The following PHLPP1 variants were observed in gnomAD, a reference collection of about 807,000 sequenced individuals.
PHLPP1 encodes PH domain leucine-rich repeat-containing protein phosphatase 1.
In PHLPP1, 42 loss-of-function variants were observed where a neutral mutation model predicts 117.2. That is an observed-to-expected ratio of 0.36 (90% CI 0.28 to 0.46). The LOEUF is 0.46. Among genes scored for constraint, PHLPP1 ranks in the 20% least tolerant of loss-of-function variants. PHLPP1 has a pLI of 1.00. For missense variants in PHLPP1, 2,084 were observed against 2,241.9 expected, an observed-to-expected ratio of 0.93 and a Z score of 1.42; for synonymous variants, 1,042 against 970.7, an observed-to-expected ratio of 1.07 and a Z score of -1.37.
In PHLPP1 at chr18:62,978,580, A is replaced by G. The variant is rs1911273086; in HGVS notation, c.4303A>G (p.Ser1435Gly). ...TEDSFCCCELSAGGAVPPPSP... is the reference protein window; with the variant it reads ...TEDSFCCCELGAGGAVPPPSP... ...GGACAGCTTCTGCTGCTGCGAGCTC[A>G]GCGCCGGTGGGGCTGTGCCACCACC... Residue 1435 changes from serine (S) to glycine (G), a missense_variant, in exon 17 of 17, where the codon AGC (serine) becomes GGC (glycine). Ser to Gly is a moderately conservative substitution (Grantham distance 56). Coordinates refer to ENST00000262719, the MANE Select transcript of PHLPP1 (RefSeq NM_194449.4). This position sits in a 1 kb window ranked among gnomAD's most constrained non-coding sequence, Gnocchi z 7.0. 1 of 1,613,532 alleles carries G rather than the reference A, an allele frequency of 6.2e-7. No individual in the cohort carries two copies. The highest frequency in any genetic ancestry group is 8.5e-7 in the Non-Finnish European group (1 of 1,179,694).
Position 62,972,303 on chromosome 18 carries a change from G to C in PHLPP1, c.3561-211G>C, listed in dbSNP as rs540592884. On this transcript the variant is annotated intron_variant, in intron 14 of 16. Transcript: ENST00000262719. The stretch of plus-strand genomic sequence containing the variant: ...CATCAGAAGAGAAGCATGTAGGAAG[G>C]CATGTGTGAAGCATAATTTGTGCTC... 5.9e-5 allele frequency among the ~76,000 whole-genome samples: 9 copies of C among 152,316 alleles called. 1 individual carries two copies. In the South Asian group the frequency reaches 1.9e-3, roughly 32 times the overall value.
rs376921720 is a variant in PHLPP1 at position 62,864,912 on chromosome 18, G to A, written c.2066+4311G>A. Among the ~76,000 whole-genome samples the A allele has an allele frequency of 3.9e-5, 6 of 152,332 alleles. No individual in the cohort carries two copies. In the South Asian group the frequency reaches 8.3e-4, roughly 21 times the overall value. ...AGAATCTAATAACAGGTATACCACA[G>A]TTCTTTAAACATAATTTTTCTGTCT... On this transcript the variant is annotated intron_variant, in intron 4 of 16. Coordinates refer to ENST00000262719, the MANE Select transcript of PHLPP1 (RefSeq NM_194449.4).
chr18:62,791,467 C>G (rs1240855314), intron 1 of PHLPP1, among the ~76,000 whole-genome samples: 1 of 152,126 alleles, frequency 6.6e-6, no homozygotes, highest in Non-Finnish European at 1.5e-5. Context: ...TCCTATGTTT[C>G]TCTTGTGGTT....
intron 1 of PHLPP1, among the ~76,000 whole-genome samples, chr18:62,811,544 CTT>C (rs11389810): frequency 2.5e-4 from 34 of 138,152 alleles, no homozygotes; most frequent in East Asian, 4.3e-4. Context: ...GTTGTTGTGT[CTT>C]TTTTTTTTTT....
chr18:62,839,983 A>G (rs1915012806), intron 3 of PHLPP1: 1 of 151,684 alleles, frequency 6.6e-6, no homozygotes, highest in Non-Finnish European at 1.5e-5. Flanking sequence ...GAAATGACAA[A>G]ATCTCTCTAG....
chr18:62,967,440 C>T (rs1385208188), intron 14 of PHLPP1, among the ~76,000 whole-genome samples: 1 of 152,110 alleles, frequency 6.6e-6, no homozygotes, highest in Non-Finnish European at 1.5e-5. Flanking sequence ...TTTGGCCATT[C>T]TAATAATAAT....
intron 1 of PHLPP1, among the ~76,000 whole-genome samples, chr18:62,792,289 G>A (rs900745524): frequency 2.0e-5 from 3 of 152,206 alleles, no homozygotes; most frequent in African/African-American, 7.2e-5. Context: ...CTATTGAATT[G>A]TTAGTGCCAG....
Position 62,717,067 on chromosome 18 carries a change from G to C in PHLPP1, c.1384G>C (p.Ala462Pro). The change falls in exon 1 of 17, where the codon GCG becomes CCG. Residue 462 changes from alanine (A) to proline (P), a missense_variant. Transcript: ENST00000262719. The part of the protein sequence containing the change: ...PGRSGVTAEK[A>P]PPPPPPPTLY... ...GAGGAGCGGGGTGACCGCGGAGAAG[G>C]CGCCTCCGCCGCCCCCGCCGCCCAC... 1.9e-6 allele frequency: 3 copies of C among 1,546,026 alleles called. No homozygotes were observed. Among genetic ancestry groups the C allele is most frequent in the Non-Finnish European group, 2.6e-6 (3 of 1,145,550 alleles).
At position 62,905,261 on chromosome 18, in the gene PHLPP1, T is replaced by C. The variant is rs1304761207; in HGVS notation, c.2685T>C (p.Tyr895=). 6.5e-7 allele frequency: 1 copy of C among 1,547,108 alleles called. No homozygotes were observed. ...TTGATGTTTACCCAGTTCCAAATTA[T>C]CTGTCCTACATGGATGTTTCAAGGT... ...VQLDVYPVPN[Y]LSYMDVSRNR... Residue 895 remains tyrosine, a synonymous_variant, in exon 8 of 17, where the codon TAT becomes TAC. Coordinates refer to ENST00000262719, the MANE Select transcript of PHLPP1 (RefSeq NM_194449.4).
At chr18:62,731,547 TG>T (rs1474778137) in intron 1 of PHLPP1, among the ~76,000 whole-genome samples, 1 of 152,132 alleles carries the variant, frequency 6.6e-6, no homozygotes, top group Admixed American at 6.6e-5. Flanking sequence ...GTATTGAAAT[TG>T]GGCCAGTTAG....
intron 4 of PHLPP1, among the ~76,000 whole-genome samples, chr18:62,876,883 G>T (rs1916061977): frequency 6.6e-6 from 1 of 152,190 alleles, no homozygotes; most frequent in Non-Finnish European, 1.5e-5. Context: ...TTGGAGGAAA[G>T]ACTTGATTTG....
At chr18:62,941,644 G>A in intron 10 of PHLPP1, 74 bp from the exon 11 acceptor site, 1 of 1,033,684 alleles carries the variant, frequency 9.7e-7, no homozygotes, top group South Asian at 1.5e-5. Context: ...AATATGCCTG[G>A]TATCAAAGCT....
At chr18:62,866,436 G>C (rs1029532572) in intron 4 of PHLPP1, among the ~76,000 whole-genome samples, 3 of 151,758 alleles carry the variant, frequency 2.0e-5, no homozygotes, top group Non-Finnish European at 4.4e-5. Flanking sequence ...GTAGAGACGG[G>C]GTTTTGCCAT....
At chr18:62,789,616 C>T (rs1913399128) in intron 1 of PHLPP1, among the ~76,000 whole-genome samples, 1 of 152,072 alleles carries the variant, frequency 6.6e-6, no homozygotes, top group Non-Finnish European at 1.5e-5. Context: ...ACAGCACAAA[C>T]CTTCTGCACC....
intron 1 of PHLPP1, among the ~76,000 whole-genome samples, chr18:62,766,968 C>T (rs1912561304): frequency 6.6e-6 from 1 of 152,070 alleles, no homozygotes; most frequent in Non-Finnish European, 1.5e-5. Flanking sequence ...AAAGTAGAAA[C>T]AAGCTGGGAC....
At chr18:62,746,810 T>C (rs1389192036) in intron 1 of PHLPP1, among the ~76,000 whole-genome samples, 1 of 151,818 alleles carries the variant, frequency 6.6e-6, no homozygotes, top group Non-Finnish European at 1.5e-5. Context: ...GTATTAAAAC[T>C]AAAAAAAAGT....
chr18:62,726,200 G>A (rs1346343621), intron 1 of PHLPP1, among the ~76,000 whole-genome samples: 3 of 152,038 alleles, frequency 2.0e-5, no homozygotes, highest in Non-Finnish European at 4.4e-5. Flanking sequence ...ATTTATGGAT[G>A]GGAGGGGGTG....
At chr18:62,718,577 A>G (rs1910829430) in intron 1 of PHLPP1, among the ~76,000 whole-genome samples, 1 of 152,222 alleles carries the variant, frequency 6.6e-6, no homozygotes, top group African/African-American at 2.4e-5. Flanking sequence ...ACCAAATCGT[A>G]ATACAGTAGC....
chr18:62,922,535 C>A (rs2144428823), intron 10 of PHLPP1, among the ~76,000 whole-genome samples: 1 of 152,298 alleles, frequency 6.6e-6, no homozygotes, highest in Middle Eastern at 3.4e-3. Context: ...AATTTGATTT[C>A]TTCTCCTATG....
Sources: allele counts gnomAD v4.1 joint callset (sites outside exome capture counted in the v4.1 genomes callset), GRCh38; gene constraint gnomAD v4.1.1; non-coding constraint Gnocchi (gnomAD v3.1); transcripts MANE v1.5; gene names NCBI Gene and HGNC (gene_info 2026-07-23, HGNC 2026-07-21).